NFIX: variants seen among roughly 807,000 people sequenced by gnomAD.
NFIX encodes nuclear factor I X.
Under a neutral mutation model 53.3 loss-of-function variants are expected in NFIX, and 2 were observed. The ratio of observed to expected loss-of-function variants is 0.04; its 90% CI spans 0.02 to 0.12. NFIX has a LOEUF of 0.12. Ranked by LOEUF, NFIX falls within the 10% of genes least tolerant of loss-of-function variation. The pLI is 1.00. For synonymous variants in NFIX, 244 were observed against 289.0 expected, an observed-to-expected ratio of 0.84 and a Z score of 1.58; for missense variants, 310 against 674.5, an observed-to-expected ratio of 0.46 and a Z score of 5.99.
chr19:13,026,625 G>A (rs2013372659), intron 2 of NFIX, among the ~76,000 whole-genome samples: 1 of 151,964 alleles, frequency 6.6e-6, no homozygotes, highest in African/African-American at 2.4e-5. Flanking sequence ...ATTTACTGCC[G>A]CCTTTGAAAC....
chr19:13,094,784 C>T lies in NFIX; in HGVS notation c.*135C>T. 1 of 896,960 alleles carries T rather than the reference C, an allele frequency of 1.1e-6. No individual in the cohort carries two copies. The allele number at this position is 896,960 out of a possible 1,614,324, so 55.6% of individuals were successfully genotyped here. ...AGCAAAAATTACACGTCGTCAGCCACTCAGCCCTTCTCTCCTCCAGCCCGG... is the reference window on the plus strand; with the variant it reads ...AGCAAAAATTACACGTCGTCAGCCATTCAGCCCTTCTCTCCTCCAGCCCGG... On this transcript the variant is annotated 3_prime_UTR_variant, in exon 11 of 11. Transcript: ENST00000592199. This position sits in a 1 kb window ranked among gnomAD's most constrained non-coding sequence, Gnocchi z 4.3.
Position 13,073,535 on chromosome 19 carries a change from G to T in NFIX, c.697+39G>T, listed in dbSNP as rs755601147. 1.1e-5 allele frequency: 17 copies of T among 1,578,108 alleles called. No individual in the cohort carries two copies. Among genetic ancestry groups the T allele is most frequent in the Non-Finnish European group, 1.4e-5 (16 of 1,147,324 alleles). On this transcript the variant is annotated intron_variant, in intron 4 of 10. Transcript: ENST00000592199. This position sits in a 1 kb window ranked among gnomAD's most constrained non-coding sequence, Gnocchi z 4.5. ...TCCTTCCAGGCCAGGGATGGGGATT[G>T]AAAGTGAGGAGGTGGGACCTCATGG...
In NFIX at chr19:13,078,827, C is replaced by T. The variant is rs1481172964; in HGVS notation, c.1078+92C>T. The T allele has an allele frequency of 7.2e-6, 10 of 1,385,752 alleles. No individual in the cohort carries two copies. Among genetic ancestry groups the T allele is most frequent in the African/African-American group, 3.4e-5 (2 of 59,660 alleles). The allele number at this position is 1,385,752 out of a possible 1,614,324, so 85.8% of individuals were successfully genotyped here. ...CAGGTGAAGGGGCCAGAGCTGACCC[C>T]GAGTGACAGCCCCACGCTCTCCAAG... is the stretch of plus-strand genomic sequence containing the variant. On this transcript the variant is annotated intron_variant, in intron 7 of 10. Coordinates refer to ENST00000592199, the MANE Select transcript of NFIX (RefSeq NM_001365902.3). This position sits in a 1 kb window ranked among gnomAD's most constrained non-coding sequence, Gnocchi z 4.7.
intron 1 of NFIX, 146 bp from the exon 2 acceptor site, chr19:13,024,875 T>A (rs2013194418): frequency 1.5e-6 from 2 of 1,323,500 alleles, no homozygotes; most frequent in Non-Finnish European, 2.1e-6. Flanking sequence ...AGAAAATTGT[T>A]GGGGGGAGGG....
At chr19:12,997,723 C>T (rs1486415471) in intron 1 of NFIX, among the ~76,000 whole-genome samples, 1 of 152,174 alleles carries the variant, frequency 6.6e-6, no homozygotes, top group Non-Finnish European at 1.5e-5. Flanking sequence ...TCTGAGCCTG[C>T]TCCCCCATGG....
In NFIX at chr19:13,089,565, G is replaced by C. The variant is rs2018009573; in HGVS notation, c.1403-734G>C. The stretch of plus-strand genomic sequence containing the variant: ...TGTTGGACCTGGTGCATCAGTCAGA[G>C]GAGGAGAATGCCATAGGCCTGAGCC... On this transcript the variant is annotated intron_variant, in intron 9 of 10. Coordinates refer to ENST00000592199, the MANE Select transcript of NFIX (RefSeq NM_001365902.3). The surrounding 1 kb of genome is among the most constrained non-coding windows in gnomAD (Gnocchi z 4.8). Among the ~76,000 whole-genome samples, 1 of 152,220 alleles carries C rather than the reference G, an allele frequency of 6.6e-6. No homozygotes were observed. Among genetic ancestry groups the C allele is most frequent in the African/African-American group, 2.4e-5 (1 of 41,452 alleles).
Position 13,073,551 on chromosome 19 carries a change from G to T in NFIX, c.697+55G>T, listed in dbSNP as rs2016894742. The T allele has an allele frequency of 1.2e-5, 18 of 1,478,262 alleles. No homozygotes were observed. The South Asian group carries it at 1.8e-4, about 15-fold the overall frequency. 91.6% of individuals were successfully genotyped at this position (1,478,262 alleles called of 1,614,324 possible). On this transcript the variant is annotated intron_variant, in intron 4 of 10. Coordinates refer to ENST00000592199, the MANE Select transcript of NFIX (RefSeq NM_001365902.3). The surrounding 1 kb of genome is among the most constrained non-coding windows in gnomAD (Gnocchi z 4.5). ...ATGGGGATTGAAAGTGAGGAGGTGG[G>T]ACCTCATGGGATGTCCTCCTAATGG...
At chr19:13,055,619 C>G (rs1180960108) in intron 2 of NFIX, among the ~76,000 whole-genome samples, 1 of 152,204 alleles carries the variant, frequency 6.6e-6, no homozygotes, top group Non-Finnish European at 1.5e-5. Flanking sequence ...GGAGCAGCCT[C>G]AGGGCTGGGG....
Position 13,027,462 on chromosome 19 carries a change from C to A in NFIX, c.559+1910C>A, listed in dbSNP as rs1348297657. Among the ~76,000 whole-genome samples the A allele has an allele frequency of 6.6e-6, 1 of 152,104 alleles. No homozygotes were observed. Among genetic ancestry groups the A allele is most frequent in the Non-Finnish European group, 1.5e-5 (1 of 68,022 alleles). On this transcript the variant is annotated intron_variant, in intron 2 of 10. Transcript: ENST00000592199. This position sits in a 1 kb window ranked among gnomAD's most constrained non-coding sequence, Gnocchi z 4.3. Reference sequence around the variant, plus strand: ...AGAAGGCTCGGAGCCTCGAGCTTACCAGTGTGGCCATCAGATACTCCTGCA... The same window carrying A: ...AGAAGGCTCGGAGCCTCGAGCTTACAAGTGTGGCCATCAGATACTCCTGCA...
At chr19:13,075,773 C>G in intron 6 of NFIX, 102 bp downstream of exon 6, 1 of 1,342,778 alleles carries the variant, frequency 7.4e-7, no homozygotes, top group Non-Finnish European at 1.0e-6. Context: ...GTCCCCCTGT[C>G]GGGGGGCATT....
At chr19:13,031,441 A>G (rs2013797692) in intron 2 of NFIX, among the ~76,000 whole-genome samples, 1 of 152,216 alleles carries the variant, frequency 6.6e-6, no homozygotes, top group African/African-American at 2.4e-5. Flanking sequence ...CCAGACGTGC[A>G]GAAGGACTTC....
chr19:13,047,183 T>G (rs2015044753), intron 2 of NFIX, among the ~76,000 whole-genome samples: 1 of 152,124 alleles, frequency 6.6e-6, no homozygotes, highest in East Asian at 1.9e-4. Flanking sequence ...CATTTCTCCC[T>G]GGAGACAGGT....
Position 13,049,746 on chromosome 19 carries a change from A to C in NFIX, c.560-23301A>C, listed in dbSNP as rs1285789562. 6.6e-6 allele frequency among the ~76,000 whole-genome samples: 1 copy of C among 151,984 alleles called. No homozygotes were observed. The highest frequency in any genetic ancestry group is 6.6e-5 in the Admixed American group (1 of 15,254). Reference sequence around the variant, plus strand: ...GTAGCTGGGACTACAGGCGCCCGCCACCATGCCCAGCTAATTTTTGTGTTT... The same window carrying C: ...GTAGCTGGGACTACAGGCGCCCGCCCCCATGCCCAGCTAATTTTTGTGTTT... On this transcript the variant is annotated intron_variant, in intron 2 of 10. Transcript: ENST00000592199. This position sits in a 1 kb window ranked among gnomAD's most constrained non-coding sequence, Gnocchi z 4.5.
rs770544153 is a variant in NFIX, at chr19:13,090,332, G to A, written c.1436G>A (p.Arg479Gln). 6.2e-7 allele frequency: 1 copy of A among 1,613,946 alleles called. No individual in the cohort carries two copies. ...ACGACAGGCGCCTCCTCTGCCAACCGGTTTGTCAGCATCGGACCCCGGGAC... is the reference window on the plus strand; with the variant it reads ...ACGACAGGCGCCTCCTCTGCCAACCAGTTTGTCAGCATCGGACCCCGGGAC... ...FATTGASSANRFVSIGPRDGN... is the reference protein window; with the variant it reads ...FATTGASSANQFVSIGPRDGN... Residue 479 changes from arginine (R) to glutamine (Q), a missense_variant, in exon 10 of 11, where the codon CGG becomes CAG. Coordinates refer to ENST00000592199, the MANE Select transcript of NFIX (RefSeq NM_001365902.3). This position sits in a 1 kb window ranked among gnomAD's most constrained non-coding sequence, Gnocchi z 6.6.
At chr19:13,042,979 C>G (rs1205797889) in intron 2 of NFIX, among the ~76,000 whole-genome samples, 1 of 152,192 alleles carries the variant, frequency 6.6e-6, no homozygotes, top group East Asian at 1.9e-4. Context: ...GTCCCTGTAC[C>G]CTGATCCTAT....
In NFIX at chr19:13,014,595, C is replaced by T. The variant is rs1302421599; in HGVS notation, c.28-10426C>T. 1 of 152,260 alleles carries T rather than the reference C, an allele frequency of 6.6e-6. No individual in the cohort carries two copies. Among genetic ancestry groups the T allele is most frequent in the Non-Finnish European group, 1.5e-5 (1 of 68,064 alleles). The allele number at this position is 152,260 out of a possible 1,614,324, so 9.4% of individuals were successfully genotyped here. ...ATATTTTAAATTAAATTGAACAGTTCTTTCTTTCCAGCCCCATATGCAATA... is the reference window on the plus strand; with the variant it reads ...ATATTTTAAATTAAATTGAACAGTTTTTTCTTTCCAGCCCCATATGCAATA... On this transcript the variant is annotated intron_variant, in intron 1 of 10. Transcript: ENST00000592199. The surrounding 1 kb of genome is among the most constrained non-coding windows in gnomAD (Gnocchi z 4.4).
In NFIX at chr19:13,025,780, G is replaced by A. The variant is rs774743540; in HGVS notation, c.559+228G>A. On this transcript the variant is annotated intron_variant, in intron 2 of 10. Transcript: ENST00000592199. This position sits in a 1 kb window ranked among gnomAD's most constrained non-coding sequence, Gnocchi z 7.5. ...TCCTCTGCCCCCTGGCCATGGTATC[G>A]ACTTTGTGCATCTCCATCTTTGGAG... 3.9e-5 allele frequency among the ~76,000 whole-genome samples: 6 copies of A among 152,020 alleles called. No homozygotes were observed. Among genetic ancestry groups the A allele is most frequent in the Non-Finnish European group, 7.4e-5 (5 of 68,022 alleles).
chr19:13,044,044 G>A (rs145279631), intron 2 of NFIX, among the ~76,000 whole-genome samples: 2 of 152,286 alleles, frequency 1.3e-5, no homozygotes, highest in East Asian at 3.9e-4. Context: ...AAGCGTAAGT[G>A]TCTTCAGCCT....
At chr19:13,004,095 T>C (rs560768263) in intron 1 of NFIX, among the ~76,000 whole-genome samples, 21 of 152,180 alleles carry the variant, frequency 1.4e-4, no homozygotes, top group African/African-American at 4.8e-4. Context: ...TTGTCACACT[T>C]GTGGAGGGGG....
Sources: gnomAD v4.1 joint callset for allele counts (sites outside exome capture counted in the v4.1 genomes callset) on GRCh38, gnomAD v4.1.1 for gene constraint, Gnocchi (gnomAD v3.1) non-coding constraint, MANE v1.5 for transcripts, NCBI Gene and HGNC (gene_info 2026-07-23, HGNC 2026-07-21) for gene names.